Variants in TENM1 observed in about 807,000 individuals in gnomAD.
TENM1 encodes the protein teneurin transmembrane protein 1, also known as teneurin-1.
A neutral mutation model predicts 174.8 loss-of-function variants in TENM1; 35 were observed. That is an observed-to-expected ratio of 0.20 (90% CI 0.15 to 0.27). TENM1 has a LOEUF of 0.27. Ranked by LOEUF, TENM1 falls within the 10% of genes least tolerant of loss-of-function variation. The pLI is 1.00. For synonymous variants in TENM1, 781 were observed against 798.7 expected, an observed-to-expected ratio of 0.98 and a Z score of 0.37; for missense variants, 1,633 against 2,130.1, an observed-to-expected ratio of 0.77 and a Z score of 4.59.
exon 22 of TENM1, chrX:124,481,923 A>G: frequency 8.3e-7 from 1 of 1,204,765 alleles, no homozygotes; most frequent in South Asian, 1.8e-5. Flanking sequence ...TGATTCAGAC[A>G]CAGGGTCCAT....
chrX:124,519,855 T>C (rs1440146180), intron 18 of TENM1, among the ~76,000 whole-genome samples: 1 of 111,846 alleles, frequency 8.9e-6, no homozygotes, highest in Non-Finnish European at 1.9e-5. Flanking sequence ...TAGTGAGTTC[T>C]TTTAAAAATA....
intron 3 of TENM1, among the ~76,000 whole-genome samples, chrX:124,862,400 TC>T (rs1160312290): frequency 6.3e-5 from 7 of 110,877 alleles, no homozygotes; most frequent in Admixed American, 2.9e-4. Context: ...AATACCCCCC[TC>T]CCCCCATTGC....
chrX:124,747,646 A>G (rs1007327714), intron 3 of TENM1, among the ~76,000 whole-genome samples: 5 of 109,427 alleles, frequency 4.6e-5, no homozygotes, highest in Non-Finnish European at 9.5e-5. Context: ...CCTTGTGAAA[A>G]TACATATGTA....
At chrX:124,514,662 C>T (rs974832012) in intron 18 of TENM1, among the ~76,000 whole-genome samples, 3 of 110,837 alleles carry the variant, frequency 2.7e-5, no homozygotes, top group Admixed American at 9.6e-5. Flanking sequence ...CAATAATGAG[C>T]TCTGAAACGG....
chrX:124,471,906 C>A (rs907946429), intron 22 of TENM1, among the ~76,000 whole-genome samples: 1 of 105,420 alleles, frequency 9.5e-6, no homozygotes, highest in Admixed American at 1.1e-4. Flanking sequence ...CTTCCTTATA[C>A]CTGCAGGGGC....
At chrX:125,200,151 T>C in the TENM1 span, among the ~76,000 whole-genome samples, 2 of 111,214 alleles carry the variant, frequency 1.8e-5, no homozygotes, top group African/African-American at 6.5e-5. Flanking sequence ...TCCTCTGTTC[T>C]AAAAAAAATC....
At chrX:124,952,096 A>G (rs768619190) in intron 1 of TENM1, among the ~76,000 whole-genome samples, 2 of 111,195 alleles carry the variant, frequency 1.8e-5, no homozygotes, top group African/African-American at 6.5e-5. Context: ...CTTGCCAACC[A>G]CTAGCACTTG....
At chrX:124,941,878 T>C (rs980848457) in intron 1 of TENM1, among the ~76,000 whole-genome samples, 29 of 111,645 alleles carry the variant, frequency 2.6e-4, no homozygotes, top group Non-Finnish European at 4.1e-4. Context: ...CTCACAATCA[T>C]GGTGGAAGGC....
At chrX:124,735,446 A>C (rs903616899) in intron 4 of TENM1, among the ~76,000 whole-genome samples, 2 of 112,020 alleles carry the variant, frequency 1.8e-5, no homozygotes, top group African/African-American at 3.2e-5. Context: ...AAAGTCAAAA[A>C]ACAACAGGTA....
At chrX:124,752,938 C>T in intron 3 of TENM1, among the ~76,000 whole-genome samples, 1 of 110,998 alleles carries the variant, frequency 9.0e-6, no homozygotes, top group South Asian at 3.9e-4. Flanking sequence ...ATGCCTCCAG[C>T]TTTGTTCTTT....
intron 3 of TENM1, among the ~76,000 whole-genome samples, chrX:124,760,901 C>A (rs924981896): frequency 1.8e-5 from 2 of 111,823 alleles, no homozygotes; most frequent in African/African-American, 6.5e-5. Flanking sequence ...TGAACAGACA[C>A]TTCAAAAGAA....
chrX:125,093,627 T>C, the TENM1 span, among the ~76,000 whole-genome samples: 4 of 111,733 alleles, frequency 3.6e-5, no homozygotes, highest in Admixed American at 2.9e-4. Context: ...ATCTGATTTA[T>C]TTATACATGC....
chrX:125,045,804 G>T, the TENM1 span, among the ~76,000 whole-genome samples: 2 of 111,834 alleles, frequency 1.8e-5, no homozygotes, highest in South Asian at 7.4e-4. Flanking sequence ...TTCATTTATT[G>T]CAAGGGTTTA....
At chrX:124,409,422 G>A (rs1394266161) in intron 25 of TENM1, among the ~76,000 whole-genome samples, 1 of 107,753 alleles carries the variant, frequency 9.3e-6, no homozygotes, top group African/African-American at 3.4e-5. Context: ...ATATCATACT[G>A]AATGGGCAAA....
the TENM1 span, among the ~76,000 whole-genome samples, chrX:125,184,083 C>A: frequency 3.5e-4 from 39 of 111,704 alleles, no homozygotes; most frequent in Admixed American, 3.4e-3. Context: ...AAGGGCTTTT[C>A]TACTATGTCA....
chrX:124,521,223 G>C (rs1367221441), intron 17 of TENM1, among the ~76,000 whole-genome samples: 1 of 111,726 alleles, frequency 9.0e-6, no homozygotes, highest in Non-Finnish European at 1.9e-5. Flanking sequence ...AAAACCATTG[G>C]TGTAATCCTT....
chrX:125,125,442 G>A, the TENM1 span, among the ~76,000 whole-genome samples: 2 of 111,375 alleles, frequency 1.8e-5, no homozygotes, highest in South Asian at 3.8e-4. Context: ...ATAACCTCTC[G>A]CTACACTTGA....
chrX:124,582,647 T>G (rs1301789910), intron 11 of TENM1, among the ~76,000 whole-genome samples: 2 of 111,819 alleles, frequency 1.8e-5, no homozygotes, highest in East Asian at 5.7e-4. Flanking sequence ...TCTGAGATAC[T>G]GGGTTCATCT....
At chrX:125,154,864 G>A in the TENM1 span, among the ~76,000 whole-genome samples, 1 of 110,598 alleles carries the variant, frequency 9.0e-6, no homozygotes, top group Non-Finnish European at 1.9e-5. Context: ...TCGTGGTCTC[G>A]CTGGCTTCAG....
Sources: gnomAD v4.1 joint callset for allele counts (sites outside exome capture counted in the v4.1 genomes callset) on GRCh38, gnomAD v4.1.1 for gene constraint, MANE v1.5 for transcripts, NCBI Gene and HGNC (gene_info 2026-07-23, HGNC 2026-07-21) for gene names.